SYN3: variants seen among roughly 807,000 people sequenced by gnomAD.
SYN3 encodes synapsin-3.
SYN3 carries 35 observed loss-of-function variants against 65.8 expected under a neutral mutation model. That is an observed-to-expected ratio of 0.53 (90% confidence interval 0.41 to 0.70). The LOEUF is 0.70. Among genes scored for constraint, SYN3 ranks in the 30% least tolerant of loss-of-function variants. The pLI, the probability that SYN3 is intolerant of heterozygous loss-of-function variation, is 0.00. For missense variants in SYN3, 680 were observed against 749.0 expected (o/e 0.91, Z 1.08); for synonymous variants, 270 against 292.9 (o/e 0.92, Z 0.80).
At position 32,636,200 on chromosome 22, in the gene SYN3, GAC is replaced by G. The variant is rs372767137; in HGVS notation, c.712-39466_712-39465del. Among the ~76,000 whole-genome samples, 588 of 151,760 alleles carry G rather than the reference GAC, an allele frequency of 3.9e-3. 4 individuals are homozygous for G. The highest frequency in any genetic ancestry group is 0.017 in the South Asian group (79 of 4,786). On this transcript the variant is annotated intron_variant, in intron 6 of 13. Transcript: ENST00000358763. ...GCGGATCACAAGGTCAGGAGATTGA[GAC>G]CATCCTGGCTAACACAGTGAAACCC...
intron 4 of SYN3, among the ~76,000 whole-genome samples, chr22:32,925,392 T>C (rs2050442049): frequency 6.6e-6 from 1 of 152,232 alleles, no homozygotes; most frequent in Non-Finnish European, 1.5e-5. Flanking sequence ...GAGTTGAGAC[T>C]TCATCTTTTT....
intron 1 of SYN3, among the ~76,000 whole-genome samples, chr22:33,042,327 C>T (rs542052332): frequency 6.6e-6 from 1 of 152,262 alleles, no homozygotes; most frequent in Non-Finnish European, 1.5e-5. Flanking sequence ...CAGGAAAGGC[C>T]CCCAGACCCA....
At chr22:32,542,647 TGTGTGTGC>T (rs1327962803) in intron 7 of SYN3, among the ~76,000 whole-genome samples, 23 of 149,206 alleles carry the variant, frequency 1.5e-4, no homozygotes, top group African/African-American at 5.3e-4. Flanking sequence ...TGTGTGTGTG[TGTGTGTGC>T]GCGCGCACAC....
At chr22:32,943,447 C>T (rs1162428281) in intron 3 of SYN3, among the ~76,000 whole-genome samples, 2 of 152,098 alleles carry the variant, frequency 1.3e-5, no homozygotes, top group African/African-American at 4.8e-5. Context: ...CTGAAGGAAG[C>T]ACTAAACATG....
chr22:32,778,430 A>G (rs1239491443), intron 6 of SYN3, among the ~76,000 whole-genome samples: 2 of 150,766 alleles, frequency 1.3e-5, no homozygotes, highest in Admixed American at 6.6e-5. Context: ...CTGGGATCAC[A>G]GGCACACGCC....
chr22:32,611,281 TTTG>T (rs544698895), intron 6 of SYN3, among the ~76,000 whole-genome samples: 3,020 of 89,892 alleles, frequency 0.034, 77 homozygotes, highest in South Asian at 0.06. Context: ...GAGTTTTTTT[TTTG>T]TTTTTTTTTT....
At chr22:32,579,154 A>G (rs1338788956) in intron 7 of SYN3, among the ~76,000 whole-genome samples, 1 of 152,180 alleles carries the variant, frequency 6.6e-6, no homozygotes, top group Non-Finnish European at 1.5e-5. Flanking sequence ...AATATAACAA[A>G]TGTTCATGAA....
chr22:32,887,058 T>G (rs1320090875), intron 4 of SYN3, among the ~76,000 whole-genome samples: 2 of 152,148 alleles, frequency 1.3e-5, no homozygotes, highest in Non-Finnish European at 2.9e-5. Context: ...TCCCTTGCTT[T>G]GAAGTAACAA....
At chr22:32,692,259 C>A (rs2147160995) in intron 6 of SYN3, among the ~76,000 whole-genome samples, 1 of 151,134 alleles carries the variant, frequency 6.6e-6, no homozygotes, top group Non-Finnish European at 1.5e-5. Context: ...CTAGTAGGTC[C>A]TTCAGTTTAG....
intron 3 of SYN3, among the ~76,000 whole-genome samples, chr22:32,972,131 C>T (rs11703670): frequency 0.2 from 30,442 of 152,144 alleles, 3,491 homozygotes; most frequent in Non-Finnish European, 0.26. Flanking sequence ...CCTCAATGTG[C>T]ATTACAGCAT....
chr22:32,941,362 A>G (rs2050932981), intron 3 of SYN3, among the ~76,000 whole-genome samples: 1 of 152,372 alleles, frequency 6.6e-6, no homozygotes, highest in South Asian at 2.1e-4. Context: ...TTAACATTTT[A>G]ACTTCTTTTC....
chr22:32,963,080 C>CT (rs34940764), intron 3 of SYN3, among the ~76,000 whole-genome samples: 16,205 of 140,304 alleles, frequency 0.12, 1,361 homozygotes, highest in East Asian at 0.43. Context: ...TTACAAAATA[C>CT]TTTTTTTTTT....
chr22:32,836,857 G>T (rs746119186), intron 6 of SYN3, among the ~76,000 whole-genome samples: 1 of 152,178 alleles, frequency 6.6e-6, no homozygotes, highest in Non-Finnish European at 1.5e-5. Context: ...GGTCTCCTTG[G>T]CATCTGTGCT....
intron 6 of SYN3, among the ~76,000 whole-genome samples, chr22:32,597,607 T>C (rs1569076504): frequency 6.6e-6 from 1 of 152,204 alleles, no homozygotes; most frequent in Non-Finnish European, 1.5e-5. Flanking sequence ...TGCTTAATAA[T>C]AGCGGCCATG....
In SYN3 at chr22:32,795,783, G is replaced by A. The variant is rs114028343; in HGVS notation, c.711+69132C>T. 8.0e-3 allele frequency among the ~76,000 whole-genome samples: 1,212 copies of A among 152,266 alleles called. 14 individuals are homozygous for A. Among genetic ancestry groups the A allele is most frequent in the African/African-American group, 0.026 (1,065 of 41,530 alleles). On this transcript the variant is annotated intron_variant, in intron 6 of 13. Coordinates refer to ENST00000358763, the MANE Select transcript of SYN3 (RefSeq NM_003490.4). Reference sequence around the variant, plus strand: ...GGTAGAAAGCAGAATCCCAGAGAGAGTAGGGTCTCAGCAGCCAAGTTTAAA... The same window carrying A: ...GGTAGAAAGCAGAATCCCAGAGAGAATAGGGTCTCAGCAGCCAAGTTTAAA...
At chr22:32,547,022 A>G (rs1187617490) in intron 7 of SYN3, among the ~76,000 whole-genome samples, 1 of 151,890 alleles carries the variant, frequency 6.6e-6, no homozygotes, top group African/African-American at 2.4e-5. Context: ...TCTGTCGCCT[A>G]AGCTGGAGCG....
In SYN3 at chr22:32,931,479, A is replaced by G. The variant is rs377056832; in HGVS notation, c.372T>C (p.Ala124=). Residue 124 remains alanine, a splice_region_variant and synonymous_variant, in exon 4 of 14, where the codon GCT becomes GCC. Transcript: ENST00000358763. ...NGEIEIRVEQ[A]EFSELNLAAY... is the part of the protein sequence containing the mutation. ...CAGCTAGGTTCAACTCTGAGAATTC[A>G]GCCTGAAGAATAAAGCAAAGCAAAA... The G allele has an allele frequency of 2.5e-6, 4 of 1,612,090 alleles. No individual in the cohort carries two copies. The highest frequency in any genetic ancestry group is 3.4e-6 in the Non-Finnish European group (4 of 1,178,232).
intron 4 of SYN3, among the ~76,000 whole-genome samples, chr22:32,873,104 C>T (rs953142437): frequency 6.6e-5 from 10 of 152,100 alleles, no homozygotes; most frequent in East Asian, 1.9e-4. Context: ...GCACGTGCCC[C>T]TGCACCCGGC....
intron 7 of SYN3, among the ~76,000 whole-genome samples, chr22:32,570,111 T>C (rs758984737): frequency 2.0e-5 from 3 of 152,192 alleles, no homozygotes; most frequent in Non-Finnish European, 4.4e-5. Flanking sequence ...TGCTCATGCA[T>C]AGCTTCCGAG....
Sources: allele counts gnomAD v4.1 joint callset (sites outside exome capture counted in the v4.1 genomes callset), GRCh38; gene constraint gnomAD v4.1.1; transcripts MANE v1.5; gene names NCBI Gene and HGNC (gene_info 2026-07-23, HGNC 2026-07-21).